GATA4: variants seen among roughly 807,000 people sequenced by gnomAD.
The protein encoded by GATA4 is transcription factor GATA-4.
In GATA4, 7 loss-of-function variants were observed where a neutral mutation model predicts 37.9. That is an observed-to-expected ratio of 0.18 (90% CI 0.11 to 0.35). The LOEUF (loss-of-function observed/expected upper bound fraction) is 0.35, where lower values mean the gene tolerates loss of function less well. Ranked by LOEUF, GATA4 falls within the 10% of genes least tolerant of loss-of-function variation. The probability of loss-of-function intolerance (pLI) is 1.00; values close to 1 mark genes in which losing one functional copy is unlikely to be tolerated. For missense variants in GATA4, 647 were observed against 653.0 expected (o/e 0.99, Z 0.10); for synonymous variants, 372 against 292.6 (o/e 1.27, Z -2.77).
At chr8:11,700,035 G>A (rs1184297520), upstream of GATA4, among the ~76,000 whole-genome samples, 2 of 152,198 alleles carry the variant, frequency 1.3e-5, no homozygotes, top group African/African-American at 4.8e-5. Flanking sequence ...TGCCACCTCA[G>A]ACAAGTACCT....
At chr8:11,697,092 G>A (rs1404447556) in intron 1 of GATA4, among the ~76,000 whole-genome samples, 1 of 152,208 alleles carries the variant, frequency 6.6e-6, no homozygotes, top group Non-Finnish European at 1.5e-5. Flanking sequence ...CCTAGGTGCG[G>A]AGGGCTCCAT....
chr8:11,737,873 T>C (rs887334980), intron 2 of GATA4, among the ~76,000 whole-genome samples: 1 of 152,204 alleles, frequency 6.6e-6, no homozygotes, highest in Non-Finnish European at 1.5e-5. Context: ...ATTTATGTAT[T>C]TTATTTAACA....
At chr8:11,731,300 G>C (rs1482568191) in intron 2 of GATA4, among the ~76,000 whole-genome samples, 1 of 152,232 alleles carries the variant, frequency 6.6e-6, no homozygotes, top group African/African-American at 2.4e-5. Flanking sequence ...GATTAAAAGA[G>C]AGAGACACAA....
At chr8:11,694,464 C>T in intron 1 of GATA4, 4 of 985,258 alleles carry the variant, frequency 4.1e-6, no homozygotes, top group East Asian at 2.3e-4. Flanking sequence ...GCGCTGCCAC[C>T]AGCTCTCCGA....
At chr8:11,701,305 C>T (rs2130023956), upstream of GATA4, among the ~76,000 whole-genome samples, 1 of 150,726 alleles carries the variant, frequency 6.6e-6, no homozygotes, top group South Asian at 2.1e-4. Flanking sequence ...TCCTAGACTA[C>T]GGGAAAGGAA....
rs192238455 is a variant in GATA4 at position 11,743,492 on chromosome 8, G to A, written c.617-5424G>A. On this transcript the variant is annotated intron_variant, in intron 2 of 6. Transcript: ENST00000532059. ...AGGAGAGCAGACCAGGCTCTGTGGC[G>A]CCGATGGGGCGGCAGCAGTGGCCTG... Among the ~76,000 whole-genome samples, 869 of 152,358 alleles carry A rather than the reference G, an allele frequency of 5.7e-3. 2 individuals are homozygous for A. The highest frequency in any genetic ancestry group is 9.1e-3 in the Non-Finnish European group (622 of 68,040).
At chr8:11,750,770 T>TA (rs1195090785) in intron 4 of GATA4, among the ~76,000 whole-genome samples, 16,179 of 88,626 alleles carry the variant, frequency 0.18, 1,921 homozygotes, top group African/African-American at 0.24. Context: ...TTGTCTCTAC[T>TA]AAAAAAAAAA....
At chr8:11,693,160 AG>A (rs1212685911) in intron 1 of GATA4, 1 of 874,368 alleles carries the variant, frequency 1.1e-6, no homozygotes. Context: ...AAGAGCTGTA[AG>A]GAAGCTTAGA....
chr8:11,726,932 C>G (rs1800954721), intron 2 of GATA4, among the ~76,000 whole-genome samples: 1 of 152,144 alleles, frequency 6.6e-6, no homozygotes, highest in Admixed American at 6.6e-5. Context: ...TTTCACTCAT[C>G]TAGTTTGTCC....
At chr8:11,717,389 A>T (rs1800482597) in intron 2 of GATA4, among the ~76,000 whole-genome samples, 1 of 152,196 alleles carries the variant, frequency 6.6e-6, no homozygotes, top group South Asian at 2.1e-4. Context: ...TCAATGAAGA[A>T]ATCATCTGAT....
At chr8:11,718,830 T>C (rs1353504652) in intron 2 of GATA4, among the ~76,000 whole-genome samples, 1 of 152,256 alleles carries the variant, frequency 6.6e-6, no homozygotes, top group Non-Finnish European at 1.5e-5. Context: ...AGCAGGTTAA[T>C]TATAATCGCA....
At chr8:11,743,363 C>A (rs73666003) in intron 2 of GATA4, among the ~76,000 whole-genome samples, 4,647 of 152,348 alleles carry the variant, frequency 0.031, 216 homozygotes, top group African/African-American at 0.1. Context: ...GGGGCTGAGA[C>A]CCATCAACTC....
chr8:11,694,445 C>T, intron 1 of GATA4: 1 of 983,822 alleles, frequency 1.0e-6, no homozygotes, highest in Non-Finnish European at 1.2e-6. Flanking sequence ...TTTCTTCCCC[C>T]AGAACATTGC....
intron 2 of GATA4, among the ~76,000 whole-genome samples, chr8:11,733,832 G>A (rs541963047): frequency 1.3e-5 from 2 of 152,276 alleles, no homozygotes; most frequent in South Asian, 4.1e-4. Context: ...GATGACACAG[G>A]CTTGGCTATG....
intron 1 of GATA4, chr8:11,680,656 C>T (rs1798935148): frequency 2.0e-6 from 2 of 985,330 alleles, no homozygotes; most frequent in Non-Finnish European, 1.2e-6. Context: ...GAACGTGTCT[C>T]GGGTCGCCCT....
rs1222143545 is a variant in GATA4, at chr8:11,748,829, T to C, written c.617-87T>C. 47 of 1,470,298 alleles carry C rather than the reference T, an allele frequency of 3.2e-5. No individual in the cohort carries two copies. In the Admixed American group the frequency reaches 7.9e-4, roughly 25 times the overall value. 91.1% of individuals were successfully genotyped at this position (1,470,298 alleles called of 1,614,324 possible). A position where few individuals can be genotyped will look rare whatever the true frequency, so the allele number is the denominator to read the frequency against. On this transcript the variant is annotated intron_variant, in intron 2 of 6. Transcript: ENST00000532059. ...TTCCAAGGAAAGGGCATTGTTTCTG[T>C]GCGCTCTAGATTCTCAGATGTGAGA...
intron 2 of GATA4, among the ~76,000 whole-genome samples, chr8:11,724,580 TG>T (rs1434893786): frequency 6.6e-6 from 1 of 152,248 alleles, no homozygotes; most frequent in Non-Finnish European, 1.5e-5. Flanking sequence ...CTGTGTTGCT[TG>T]CCTTGTCTTG....
At chr8:11,682,660 A>T (rs1585545277) in intron 1 of GATA4, among the ~76,000 whole-genome samples, 2 of 152,198 alleles carry the variant, frequency 1.3e-5, no homozygotes. Context: ...AACGGGGAAA[A>T]ACTTGACCAT....
At chr8:11,720,607 C>T (rs925021086) in intron 2 of GATA4, among the ~76,000 whole-genome samples, 15 of 152,196 alleles carry the variant, frequency 9.9e-5, no homozygotes, top group African/African-American at 3.1e-4. Flanking sequence ...CTCCCACCCT[C>T]CACTCTCAAT....
Sources: gnomAD v4.1 joint callset for allele counts (sites outside exome capture counted in the v4.1 genomes callset) on GRCh38, gnomAD v4.1.1 for gene constraint, MANE v1.5 for transcripts, NCBI Gene and HGNC (gene_info 2026-07-23, HGNC 2026-07-21) for gene names.